Variants in PRKG1 observed in about 807,000 individuals in gnomAD.
PRKG1 encodes protein kinase cGMP-dependent 1.
In PRKG1, 35 loss-of-function variants were observed where a neutral mutation model predicts 88.1. That is an observed-to-expected ratio of 0.40 (90% CI 0.30 to 0.53). The LOEUF is 0.53. Among genes scored for constraint, PRKG1 ranks in the 20% least tolerant of loss-of-function variants. PRKG1 has a pLI of 0.59. For synonymous variants in PRKG1, 303 were observed against 292.5 expected, an observed-to-expected ratio of 1.04 and a Z score of -0.37; for missense variants, 540 against 839.8, an observed-to-expected ratio of 0.64 and a Z score of 4.41.
intron 3 of PRKG1, among the ~76,000 whole-genome samples, chr10:51,733,386 G>T (rs769906884): frequency 6.6e-6 from 1 of 152,122 alleles, no homozygotes; most frequent in Non-Finnish European, 1.5e-5. Flanking sequence ...TTTTCCACAG[G>T]ATTCTTCTTG....
At chr10:51,817,836 T>C (rs1265276239) in intron 4 of PRKG1, among the ~76,000 whole-genome samples, 1 of 152,200 alleles carries the variant, frequency 6.6e-6, no homozygotes, top group Non-Finnish European at 1.5e-5. Flanking sequence ...ACTTCATTTT[T>C]TCCTTCCTCT....
chr10:51,344,052 C>T (rs1218764802), intron 2 of PRKG1, among the ~76,000 whole-genome samples: 1 of 152,096 alleles, frequency 6.6e-6, no homozygotes, highest in Non-Finnish European at 1.5e-5. Context: ...GTCATTCTTG[C>T]ATTGCTATAA....
chr10:51,146,540 A>G (rs1229742853), intron 1 of PRKG1, among the ~76,000 whole-genome samples: 1 of 152,056 alleles, frequency 6.6e-6, no homozygotes, highest in African/African-American at 2.4e-5. Flanking sequence ...CACTCTGCTG[A>G]TCATTTCCTT....
At chr10:52,161,859 A>G (rs754481806) in intron 8 of PRKG1, 30 bp from the exon 9 acceptor site, 3 of 1,601,152 alleles carry the variant, frequency 1.9e-6, no homozygotes, top group South Asian at 1.1e-5. Context: ...TTTGTAGAAG[A>G]TTAATCACTG....
At chr10:51,235,783 A>T in intron 2 of PRKG1, among the ~76,000 whole-genome samples, 1 of 152,184 alleles carries the variant, frequency 6.6e-6, no homozygotes, top group Non-Finnish European at 1.5e-5. Flanking sequence ...TTATATACAC[A>T]TACCTCTAAG....
intron 5 of PRKG1, among the ~76,000 whole-genome samples, chr10:52,004,284 A>T (rs1468459789): frequency 6.6e-6 from 1 of 152,218 alleles, no homozygotes. Context: ...TTCTGGCACA[A>T]ATAAATATTA....
intron 3 of PRKG1, among the ~76,000 whole-genome samples, chr10:51,747,914 C>T (rs1837622516): frequency 6.6e-6 from 1 of 152,082 alleles, no homozygotes; most frequent in Admixed American, 6.5e-5. Flanking sequence ...CATGAAGCAC[C>T]TTAGCAATCA....
intron 3 of PRKG1, among the ~76,000 whole-genome samples, chr10:51,693,060 G>A (rs921982281): frequency 2.0e-5 from 3 of 151,982 alleles, no homozygotes; most frequent in African/African-American, 7.2e-5. Flanking sequence ...GGCCAAGGCG[G>A]GTGGATCATT....
At chr10:51,690,114 C>G (rs1168538878) in intron 3 of PRKG1, among the ~76,000 whole-genome samples, 1 of 152,008 alleles carries the variant, frequency 6.6e-6, no homozygotes, top group Non-Finnish European at 1.5e-5. Context: ...AGGCACAGGA[C>G]CAGAGCAGGA....
chr10:51,112,379 G>C (rs367980314), intron 1 of PRKG1, among the ~76,000 whole-genome samples: 1 of 152,074 alleles, frequency 6.6e-6, no homozygotes. Flanking sequence ...AGTATATGCC[G>C]CTTTTTCTAG....
intron 2 of PRKG1, among the ~76,000 whole-genome samples, chr10:51,311,312 T>C (rs1249166108): frequency 2.0e-5 from 3 of 152,210 alleles, no homozygotes; most frequent in Non-Finnish European, 4.4e-5. Flanking sequence ...GAAACCATAA[T>C]TTGTCTCATA....
chr10:51,585,137 T>TA (rs141438606), intron 3 of PRKG1, among the ~76,000 whole-genome samples: 10,493 of 152,130 alleles, frequency 0.069, 1,194 homozygotes, highest in African/African-American at 0.24. Context: ...TAATGAATTA[T>TA]AAAACAGGGA....
chr10:51,348,593 A>G (rs533141538), intron 2 of PRKG1, among the ~76,000 whole-genome samples: 3 of 152,238 alleles, frequency 2.0e-5, no homozygotes, highest in South Asian at 4.1e-4. Context: ...TTAAAAGACT[A>G]TTTTTTACCA....
chr10:51,889,759 A>G lies in PRKG1; in HGVS notation c.699-17748A>G, dbSNP rs1308297995. Among the ~76,000 whole-genome samples, 16 of 152,232 alleles carry G rather than the reference A, an allele frequency of 1.1e-4. 1 individual carries two copies. In the East Asian group the frequency reaches 2.5e-3, roughly 24 times the overall value. On this transcript the variant is annotated intron_variant, in intron 4 of 17. Transcript: ENST00000373980. ...TTTAATGATCGCCATTCTAACTGGT[A>G]TGAGATGGTATCTCATTGTGGTTTT... is the stretch of plus-strand genomic sequence containing the variant.
intron 2 of PRKG1, among the ~76,000 whole-genome samples, chr10:51,176,881 T>C (rs531389580): frequency 6.6e-6 from 1 of 152,166 alleles, no homozygotes; most frequent in Non-Finnish European, 1.5e-5. Flanking sequence ...GTTCTCCAGA[T>C]AAGTCTATAA....
At chr10:51,822,197 G>A (rs1839767113) in intron 4 of PRKG1, among the ~76,000 whole-genome samples, 1 of 151,924 alleles carries the variant, frequency 6.6e-6, no homozygotes, top group African/African-American at 2.4e-5. Flanking sequence ...TATGGTGTGT[G>A]TATTTATATG....
rs568518088 is a variant in PRKG1 at position 51,467,746 on chromosome 10, G to C, written c.502G>C (p.Glu168Gln). The change falls in exon 3 of 18, where the codon GAA becomes CAA. Residue 168 changes from glutamate (E) to glutamine (Q), a missense_variant. Physicochemically the swap from Glu to Gln is conservative, Grantham distance 29. This residue lies in a region of PRKG1 where 400 missense variants were observed against 562.7 expected (regional missense o/e 0.71). Coordinates refer to ENST00000373980, the MANE Select transcript of PRKG1 (RefSeq NM_006258.4). ...AGATGGTAAGGTTGAAGTTACAAAA[G>C]AAGGTGTGAAGTTGTGTACCATGGG... ...MEDGKVEVTK[E>Q]GVKLCTMGPG... 6.2e-7 allele frequency: 1 copy of C among 1,612,520 alleles called. No individual in the cohort carries two copies. The highest frequency in any genetic ancestry group is 2.2e-5 in the East Asian group (1 of 44,816).
intron 3 of PRKG1, among the ~76,000 whole-genome samples, chr10:51,744,627 A>AT (rs762219491): frequency 1.3e-5 from 2 of 152,214 alleles, no homozygotes; most frequent in East Asian, 1.9e-4. Flanking sequence ...GACATTTCTT[A>AT]TGTGTGGAAG....
intron 3 of PRKG1, among the ~76,000 whole-genome samples, chr10:51,728,065 C>T (rs1048480929): frequency 3.3e-5 from 5 of 151,638 alleles, no homozygotes; most frequent in Admixed American, 1.3e-4. Context: ...ATTTAAACCA[C>T]ACAGAAGAAA....
Sources: gnomAD v4.1 joint callset for allele counts (sites outside exome capture counted in the v4.1 genomes callset) on GRCh38, gnomAD v4.1.1 for gene constraint, gnomAD v4.1.1 regional missense constraint, MANE v1.5 for transcripts, NCBI Gene and HGNC (gene_info 2026-07-23, HGNC 2026-07-21) for gene names.